Variants in PPM1E observed in about 807,000 individuals in gnomAD.
PPM1E encodes protein phosphatase 1E.
Under a neutral mutation model 65.9 loss-of-function variants are expected in PPM1E, and 20 were observed. The observed-to-expected ratio is 0.30, with a 90% CI of 0.21 to 0.44. The LOEUF (loss-of-function observed/expected upper bound fraction) is 0.44, where lower values mean the gene tolerates loss of function less well. Among genes scored for constraint, PPM1E ranks in the 20% least tolerant of loss-of-function variants. PPM1E has a pLI of 1.00. For missense variants in PPM1E, 713 were observed against 953.1 expected (o/e 0.75, Z 3.32); for synonymous variants, 352 against 374.9 (o/e 0.94, Z 0.70).
At chr17:58,932,356 C>A (rs1308098355) in intron 1 of PPM1E, among the ~76,000 whole-genome samples, 2 of 152,100 alleles carry the variant, frequency 1.3e-5, no homozygotes, top group Non-Finnish European at 2.9e-5. Flanking sequence ...GTAATCCCAG[C>A]TACTCAGGAG....
chr17:58,867,865 A>G (rs2051023069), intron 1 of PPM1E, among the ~76,000 whole-genome samples: 1 of 152,178 alleles, frequency 6.6e-6, no homozygotes, highest in Non-Finnish European at 1.5e-5. Flanking sequence ...TAAGAGGAAA[A>G]CATGTGTTCC....
intron 6 of PPM1E, among the ~76,000 whole-genome samples, chr17:58,973,728 A>G (rs1417515013): frequency 6.6e-6 from 1 of 151,978 alleles, no homozygotes; most frequent in East Asian, 1.9e-4. Context: ...TGAGGTGGGC[A>G]GATCATGAGG....
chr17:58,830,555 C>G (rs2050593791), intron 1 of PPM1E, among the ~76,000 whole-genome samples: 1 of 152,024 alleles, frequency 6.6e-6, no homozygotes, highest in Non-Finnish European at 1.5e-5. Context: ...ATCCGCCCAC[C>G]TCGGTCTCCC....
At chr17:58,794,272 G>T (rs956936817) in intron 1 of PPM1E, among the ~76,000 whole-genome samples, 1 of 151,408 alleles carries the variant, frequency 6.6e-6, no homozygotes, top group South Asian at 2.1e-4. Context: ...TAGAGACAAG[G>T]TCTCCCTGTG....
intron 1 of PPM1E, among the ~76,000 whole-genome samples, chr17:58,866,865 A>G (rs910191484): frequency 3.3e-5 from 5 of 152,234 alleles, no homozygotes; most frequent in Non-Finnish European, 4.4e-5. Flanking sequence ...GGGTCTCAGG[A>G]CCACTAGAAG....
intron 1 of PPM1E, among the ~76,000 whole-genome samples, chr17:58,830,774 C>T (rs1319337904): frequency 2.0e-5 from 3 of 151,720 alleles, no homozygotes; most frequent in African/African-American, 7.3e-5. Context: ...CAACCTCTGC[C>T]TCTGGGTTCA....
intron 1 of PPM1E, among the ~76,000 whole-genome samples, chr17:58,918,435 C>T (rs1454848843): frequency 6.6e-6 from 1 of 152,152 alleles, no homozygotes; most frequent in Admixed American, 6.6e-5. Context: ...TGTACTATCT[C>T]ATTCTGACTT....
At chr17:58,947,975 C>T (rs181594631) in intron 1 of PPM1E, among the ~76,000 whole-genome samples, 5 of 152,214 alleles carry the variant, frequency 3.3e-5, no homozygotes, top group Admixed American at 3.3e-4. Flanking sequence ...TGTGGTTTCT[C>T]CACATGGCTA....
intron 1 of PPM1E, among the ~76,000 whole-genome samples, chr17:58,827,383 T>C (rs1473812632): frequency 1.3e-5 from 2 of 151,406 alleles, no homozygotes; most frequent in East Asian, 4.0e-4. Flanking sequence ...TCACCTGCCT[T>C]GGCCTCCCAA....
chr17:58,851,563 C>T (rs1257651671), intron 1 of PPM1E, among the ~76,000 whole-genome samples: 1 of 152,216 alleles, frequency 6.6e-6, no homozygotes, highest in Non-Finnish European at 1.5e-5. Flanking sequence ...CACTGTTTGC[C>T]TGGGTATCAC....
At chr17:58,933,666 G>T (rs2143576893) in intron 1 of PPM1E, among the ~76,000 whole-genome samples, 1 of 151,612 alleles carries the variant, frequency 6.6e-6, no homozygotes, top group East Asian at 1.9e-4. Flanking sequence ...CATGGTGGCG[G>T]GCGCCAGTAA....
intron 1 of PPM1E, among the ~76,000 whole-genome samples, chr17:58,937,879 C>CAAAAAAAAA (rs1226139023): frequency 1.1e-4 from 9 of 82,928 alleles, no homozygotes; most frequent in African/African-American, 3.0e-4. Flanking sequence ...GACTCCATCT[C>CAAAAAAAAA]AAAAAAAAAA....
intron 1 of PPM1E, among the ~76,000 whole-genome samples, chr17:58,894,501 C>A (rs1316099400): frequency 6.6e-6 from 1 of 152,032 alleles, no homozygotes; most frequent in African/African-American, 2.4e-5. Context: ...TGTTCAGGTG[C>A]CAGCAGTTTT....
intron 1 of PPM1E, among the ~76,000 whole-genome samples, chr17:58,858,456 C>T (rs921594700): frequency 3.3e-5 from 5 of 152,014 alleles, no homozygotes; most frequent in African/African-American, 9.7e-5. Flanking sequence ...CTCTCTATCC[C>T]TTTCTTTCTC....
chr17:58,883,254 G>T (rs554069906), intron 1 of PPM1E, among the ~76,000 whole-genome samples: 8 of 151,590 alleles, frequency 5.3e-5, no homozygotes, highest in Non-Finnish European at 1.0e-4. Context: ...CACCGCGCCC[G>T]GCCTGTTATT....
At chr17:58,762,914 A>C (rs1358481792) in intron 1 of PPM1E, among the ~76,000 whole-genome samples, 1 of 152,038 alleles carries the variant, frequency 6.6e-6, no homozygotes, top group Admixed American at 6.6e-5. Context: ...AAAAAAAAAA[A>C]AAATTTGTTT....
At chr17:58,758,272 C>T (rs2049788522) in intron 1 of PPM1E, among the ~76,000 whole-genome samples, 1 of 151,908 alleles carries the variant, frequency 6.6e-6, no homozygotes, top group East Asian at 1.9e-4. Flanking sequence ...AGCTCACTCC[C>T]GTAATCCCAG....
chr17:58,927,368 G>A (rs867299020), intron 1 of PPM1E, among the ~76,000 whole-genome samples: 7 of 152,002 alleles, frequency 4.6e-5, no homozygotes, highest in Middle Eastern at 6.8e-3. Flanking sequence ...CCTGCCTCAT[G>A]ATCTGCCCGC....
chr17:58,898,266 A>C (rs902944968), intron 1 of PPM1E, among the ~76,000 whole-genome samples: 1 of 152,060 alleles, frequency 6.6e-6, no homozygotes, highest in African/African-American at 2.4e-5. Flanking sequence ...AAAAAAAAAA[A>C]AAACTATCTA....
Sources: gnomAD v4.1 joint callset for allele counts (sites outside exome capture counted in the v4.1 genomes callset) on GRCh38, gnomAD v4.1.1 for gene constraint, MANE v1.5 for transcripts, NCBI Gene and HGNC (gene_info 2026-07-23, HGNC 2026-07-21) for gene names.